PPP3R1: variants seen among roughly 807,000 people sequenced by gnomAD.
The protein encoded by PPP3R1 is calcineurin subunit B type 1.
In PPP3R1, 5 loss-of-function variants were observed where a neutral mutation model predicts 22.6. The observed-to-expected ratio is 0.22, with a 90% CI of 0.12 to 0.46. The LOEUF is 0.46. Ranked by LOEUF, PPP3R1 falls within the 20% of genes least tolerant of loss-of-function variation. The pLI is 0.99. For missense variants in PPP3R1, 61 were observed against 203.2 expected, an observed-to-expected ratio of 0.30 and a Z score of 4.25; for synonymous variants, 56 against 65.2, an observed-to-expected ratio of 0.86 and a Z score of 0.68.
chr2:68,193,608 C>T (rs1674710203), intron 2 of PPP3R1, among the ~76,000 whole-genome samples: 1 of 152,096 alleles, frequency 6.6e-6, no homozygotes, highest in South Asian at 2.1e-4. Flanking sequence ...AGGTATCAAA[C>T]AAAATGATTT....
In PPP3R1 at chr2:68,179,029, ACC is replaced by A. The variant is rs1674349156; in HGVS notation, c.*1932_*1933del. On this transcript the variant is annotated 3_prime_UTR_variant, in exon 6 of 6. Transcript: ENST00000234310. ...AAAAAAAAAAAAAGAAAAAGAAAAA[ACC>A]CTCATTCCCCGGTAAGGAAATAATG... 1 of 148,604 alleles carries A rather than the reference ACC, an allele frequency of 6.7e-6. No individual in the cohort carries two copies. The highest frequency in any genetic ancestry group is 1.5e-5 in the Non-Finnish European group (1 of 66,722). 9.2% of individuals were successfully genotyped at this position (148,604 alleles called of 1,614,324 possible).
intron 2 of PPP3R1, among the ~76,000 whole-genome samples, chr2:68,215,711 C>A (rs1669566174): frequency 6.6e-6 from 1 of 152,058 alleles, no homozygotes; most frequent in Non-Finnish European, 1.5e-5. Flanking sequence ...GGTTTCCACA[C>A]CAACAAACAT....
intron 2 of PPP3R1, among the ~76,000 whole-genome samples, chr2:68,202,073 C>T (rs1674989512): frequency 6.6e-6 from 1 of 152,208 alleles, no homozygotes; most frequent in African/African-American, 2.4e-5. Flanking sequence ...TTATCTAATA[C>T]AGCTCCTGAA....
intron 1 of PPP3R1, among the ~76,000 whole-genome samples, chr2:68,221,110 T>A (rs945122504): frequency 6.6e-6 from 1 of 152,042 alleles, no homozygotes; most frequent in East Asian, 1.9e-4. Flanking sequence ...GGCAGGCAGA[T>A]CACTTGAGGT....
At chr2:68,205,839 GA>G (rs1396080606) in intron 2 of PPP3R1, among the ~76,000 whole-genome samples, 3 of 151,320 alleles carry the variant, frequency 2.0e-5, no homozygotes, top group Non-Finnish European at 4.4e-5. Flanking sequence ...TTTTTTTTGA[GA>G]GGGGGTTTCG....
chr2:68,198,125 T>C (rs13030185), intron 2 of PPP3R1, among the ~76,000 whole-genome samples: 32,401 of 129,342 alleles, frequency 0.25, 4,193 homozygotes, highest in African/African-American at 0.3. Context: ...TAAATATATA[T>C]GTAAACATGT....
At chr2:68,213,018 T>C (rs1037244467) in intron 2 of PPP3R1, among the ~76,000 whole-genome samples, 1 of 152,230 alleles carries the variant, frequency 6.6e-6, no homozygotes, top group Non-Finnish European at 1.5e-5. Flanking sequence ...CTTCAGAGAA[T>C]TGCTCTGCAC....
intron 2 of PPP3R1, among the ~76,000 whole-genome samples, chr2:68,202,630 G>A (rs1003199818): frequency 6.6e-6 from 1 of 150,854 alleles, no homozygotes; most frequent in African/African-American, 2.4e-5. Flanking sequence ...TCACCATGTT[G>A]GCCAGGCTGG....
At chr2:68,212,965 T>G (rs867716474) in intron 2 of PPP3R1, among the ~76,000 whole-genome samples, 1 of 152,238 alleles carries the variant, frequency 6.6e-6, no homozygotes, top group African/African-American at 2.4e-5. Context: ...CAACCTCCAC[T>G]AGCTTCAAAC....
chr2:68,196,112 G>A (rs1674766107), intron 2 of PPP3R1, among the ~76,000 whole-genome samples: 1 of 152,044 alleles, frequency 6.6e-6, no homozygotes, highest in African/African-American at 2.4e-5. Context: ...ATCAGACATG[G>A]CAAAATTATC....
At chr2:68,206,644 A>G (rs544839659) in intron 2 of PPP3R1, among the ~76,000 whole-genome samples, 5 of 152,256 alleles carry the variant, frequency 3.3e-5, no homozygotes, top group Admixed American at 6.5e-5. Flanking sequence ...GGCTTTTCTT[A>G]ATTTCCTTAA....
intron 2 of PPP3R1, among the ~76,000 whole-genome samples, chr2:68,211,181 C>T (rs1209033808): frequency 2.0e-5 from 3 of 151,960 alleles, no homozygotes; most frequent in African/African-American, 4.8e-5. Context: ...CCGAGACAGG[C>T]GGATCACAAG....
intron 2 of PPP3R1, among the ~76,000 whole-genome samples, chr2:68,207,577 T>A (rs1453075348): frequency 6.6e-6 from 1 of 152,198 alleles, no homozygotes; most frequent in Admixed American, 6.5e-5. Context: ...GTCCCAGATT[T>A]AAAGAATGAG....
intron 2 of PPP3R1, among the ~76,000 whole-genome samples, chr2:68,198,395 A>ATATATGTATATACATATATACG (rs1674874110): frequency 3.8e-5 from 3 of 78,522 alleles, no homozygotes; most frequent in African/African-American, 6.2e-5. Context: ...ATATATATGT[A>ATATATGTATATACATATATACG]TATATATGTG....
Position 68,235,599 on chromosome 2 carries a change from T to A in PPP3R1, c.3+16526A>T, listed in dbSNP as rs144506612. ...TGAACATACCATATTTATCGATTCA[T>A]CAGTTAATAAACATTTGGACTGTTT... On this transcript the variant is annotated intron_variant, in intron 1 of 5. Coordinates refer to ENST00000234310, the MANE Select transcript of PPP3R1 (RefSeq NM_000945.4). 5.5e-4 allele frequency among the ~76,000 whole-genome samples: 84 copies of A among 152,338 alleles called. 1 individual carries two copies. In the East Asian group the frequency reaches 0.013, roughly 23 times the overall value.
intron 1 of PPP3R1, among the ~76,000 whole-genome samples, chr2:68,244,587 C>T (rs529221018): frequency 6.6e-6 from 1 of 152,026 alleles, no homozygotes; most frequent in Non-Finnish European, 1.5e-5. Flanking sequence ...TCCTTTTATC[C>T]TCTTCTTTTT....
intron 1 of PPP3R1, among the ~76,000 whole-genome samples, chr2:68,246,511 T>C (rs573725496): frequency 1.4e-4 from 22 of 152,298 alleles, no homozygotes; most frequent in African/African-American, 4.6e-4. Context: ...TTGCCACCAT[T>C]ACAACAAACT....
intron 1 of PPP3R1, among the ~76,000 whole-genome samples, chr2:68,240,224 A>ATT (rs1398988836): frequency 6.6e-6 from 1 of 152,178 alleles, no homozygotes; most frequent in African/African-American, 2.4e-5. Flanking sequence ...AATGACTCAA[A>ATT]TAAGACAAAC....
chr2:68,233,059 G>A (rs1037005295), intron 1 of PPP3R1, among the ~76,000 whole-genome samples: 12 of 151,990 alleles, frequency 7.9e-5, no homozygotes, highest in African/African-American at 2.7e-4. Context: ...TCACACAAAA[G>A]CAGACCACAT....
Sources: gnomAD v4.1 joint callset for allele counts (sites outside exome capture counted in the v4.1 genomes callset) on GRCh38, gnomAD v4.1.1 for gene constraint, MANE v1.5 for transcripts, NCBI Gene and HGNC (gene_info 2026-07-23, HGNC 2026-07-21) for gene names.